Variants in SLC35F3 observed in about 807,000 individuals in gnomAD.
The protein encoded by SLC35F3 is putative thiamine transporter SLC35F3.
SLC35F3 carries 25 observed loss-of-function variants against 49.9 expected under a neutral mutation model. The ratio of observed to expected loss-of-function variants is 0.50; its 90% confidence interval spans 0.37 to 0.70. The LOEUF (loss-of-function observed/expected upper bound fraction) is 0.70. SLC35F3 is among the 30% of genes least tolerant of loss of function. The pLI, the probability that SLC35F3 is intolerant of heterozygous loss-of-function variation, is 0.00. For missense variants in SLC35F3, 525 were observed against 639.8 expected (o/e 0.82, Z 1.94); for synonymous variants, 275 against 265.4 (o/e 1.04, Z -0.35).
intron 2 of SLC35F3, among the ~76,000 whole-genome samples, chr1:234,162,563 C>T (rs1448893036): frequency 3.3e-5 from 5 of 151,940 alleles, no homozygotes; most frequent in African/African-American, 1.2e-4. Flanking sequence ...TTGCCCCCCT[C>T]ACCCCTCCCT....
chr1:234,023,671 T>C (rs1380890878), intron 2 of SLC35F3, among the ~76,000 whole-genome samples: 1 of 152,088 alleles, frequency 6.6e-6, no homozygotes, highest in African/African-American at 2.4e-5. Context: ...TGGAGAAACC[T>C]GGGCAATCAC....
chr1:233,938,002 T>A (rs1344815408), intron 2 of SLC35F3, among the ~76,000 whole-genome samples: 1 of 152,200 alleles, frequency 6.6e-6, no homozygotes, highest in East Asian at 1.9e-4. Flanking sequence ...TTGACAATAG[T>A]CATTAAATTA....
intron 2 of SLC35F3, among the ~76,000 whole-genome samples, chr1:234,189,080 CCT>C (rs929621165): frequency 1.3e-5 from 2 of 151,990 alleles, no homozygotes; most frequent in Non-Finnish European, 2.9e-5. Flanking sequence ...CCAGATCTTC[CCT>C]CTGACATAGC....
intron 3 of SLC35F3, chr1:234,285,159 T>C (rs183548944): frequency 1.4e-3 from 404 of 289,630 alleles, no homozygotes; most frequent in Non-Finnish European, 2.2e-3. Context: ...GGTAGGAAAA[T>C]AGGAAGGAGG....
intron 2 of SLC35F3, among the ~76,000 whole-genome samples, chr1:234,138,417 G>T (rs921789275): frequency 2.0e-5 from 3 of 152,182 alleles, no homozygotes; most frequent in Non-Finnish European, 2.9e-5. Flanking sequence ...CAAAGAAGGG[G>T]TAAATATATG....
At chr1:234,117,932 G>GTATATATATA (rs1373405963) in intron 2 of SLC35F3, among the ~76,000 whole-genome samples, 565 of 51,746 alleles carry the variant, frequency 0.011, 60 homozygotes, top group East Asian at 0.1. Context: ...GTGTGTGTGT[G>GTATATATATA]TGTGTGTGTG....
Position 234,214,711 on chromosome 1 carries a change from G to A in SLC35F3, c.284-16706G>A. On this transcript the variant is annotated intron_variant, in intron 2 of 7. Transcript: ENST00000366618. This position sits in a 1 kb window ranked among gnomAD's most constrained non-coding sequence, Gnocchi z 8.0. The stretch of plus-strand genomic sequence containing the variant: ...CCAGGACGCGGCTCCGCAGTGCAGA[G>A]CGCCGCCGCCTGCGTGGGGGGATCT... 8.4e-7 allele frequency: 1 copy of A among 1,184,104 alleles called. No individual in the cohort carries two copies. Among genetic ancestry groups the A allele is most frequent in the South Asian group, 2.0e-5 (1 of 50,110 alleles). 73.3% of individuals were successfully genotyped at this position (1,184,104 alleles called of 1,614,324 possible).
intron 4 of SLC35F3, among the ~76,000 whole-genome samples, chr1:234,314,072 G>A (rs1657423848): frequency 6.6e-6 from 1 of 152,146 alleles, no homozygotes; most frequent in Non-Finnish European, 1.5e-5. Flanking sequence ...AGAGTGGAAG[G>A]CCCACAGCCA....
intron 2 of SLC35F3, among the ~76,000 whole-genome samples, chr1:234,174,490 C>G (rs1293423036): frequency 2.0e-5 from 3 of 152,238 alleles, no homozygotes; most frequent in Non-Finnish European, 2.9e-5. Context: ...CACTGTCTTA[C>G]TTAATCCCGC....
chr1:234,130,919 T>G (rs1332664971), intron 2 of SLC35F3, among the ~76,000 whole-genome samples: 5 of 145,086 alleles, frequency 3.4e-5, no homozygotes, highest in Non-Finnish European at 7.8e-5. Flanking sequence ...CAAACTGTTT[T>G]GTGACAATAG....
intron 2 of SLC35F3, among the ~76,000 whole-genome samples, chr1:233,943,525 T>G (rs987612066): frequency 6.6e-6 from 1 of 152,220 alleles, no homozygotes; most frequent in Non-Finnish European, 1.5e-5. Context: ...ATTCCTGGTA[T>G]AAGAAATGGA....
intron 3 of SLC35F3, among the ~76,000 whole-genome samples, chr1:234,270,145 A>C (rs193079674): frequency 1.3e-5 from 2 of 152,328 alleles, no homozygotes; most frequent in Admixed American, 6.5e-5. Context: ...AATTCTCACT[A>C]ATACATGAAG....
chr1:234,267,246 A>C (rs549270481), intron 3 of SLC35F3, among the ~76,000 whole-genome samples: 5 of 122,844 alleles, frequency 4.1e-5, no homozygotes, highest in Non-Finnish European at 8.3e-5. Flanking sequence ...TTCTTAGTAC[A>C]GAACAAAATG....
intron 2 of SLC35F3, among the ~76,000 whole-genome samples, chr1:234,095,616 A>C (rs1259367135): frequency 6.6e-6 from 1 of 152,204 alleles, no homozygotes; most frequent in African/African-American, 2.4e-5. Flanking sequence ...TATTTATATG[A>C]CATGATTTAA....
chr1:233,905,989 ATC>A (rs139985692), intron 2 of SLC35F3, among the ~76,000 whole-genome samples: 2,250 of 152,272 alleles, frequency 0.015, 17 homozygotes, highest in Middle Eastern at 0.037. Flanking sequence ...CACACACAGG[ATC>A]TCTCTGTATC....
chr1:233,929,172 A>G (rs1662204842), intron 2 of SLC35F3, among the ~76,000 whole-genome samples: 2 of 152,176 alleles, frequency 1.3e-5, no homozygotes, highest in Admixed American at 1.3e-4. Flanking sequence ...AATCTACCAC[A>G]AGGGTAGAGA....
chr1:234,284,486 G>A (rs552029871), intron 3 of SLC35F3, among the ~76,000 whole-genome samples: 55 of 152,230 alleles, frequency 3.6e-4, no homozygotes, highest in African/African-American at 1.3e-3. Context: ...TATCAGTTTG[G>A]TTTCAGATAG....
chr1:234,144,795 ATTG>A (rs1444650202), intron 2 of SLC35F3, among the ~76,000 whole-genome samples: 2 of 152,098 alleles, frequency 1.3e-5, no homozygotes. Flanking sequence ...ACAAATAAAT[ATTG>A]TGCGGGGTGA....
intron 2 of SLC35F3, among the ~76,000 whole-genome samples, chr1:234,029,228 G>C (rs1360169484): frequency 6.6e-6 from 1 of 152,290 alleles, no homozygotes; most frequent in South Asian, 2.1e-4. Flanking sequence ...AGAGGCAACA[G>C]AGAGACGATG....
Sources: allele counts gnomAD v4.1 joint callset (sites outside exome capture counted in the v4.1 genomes callset), GRCh38; gene constraint gnomAD v4.1.1; non-coding constraint Gnocchi (gnomAD v3.1); transcripts MANE v1.5; gene names NCBI Gene and HGNC (gene_info 2026-07-23, HGNC 2026-07-21).